UGGT2: variants seen among roughly 807,000 people sequenced by gnomAD.
UGGT2 encodes UDP-glucose:glycoprotein glucosyltransferase 2.
In UGGT2, 180 loss-of-function variants were observed where a neutral mutation model predicts 192.1. The ratio of observed to expected loss-of-function variants is 0.94; its 90% CI spans 0.83 to 1.06. UGGT2 has a LOEUF of 1.06. UGGT2 is among the 50% of genes least tolerant of loss of function. The probability of loss-of-function intolerance (pLI) is 0.00; values close to 1 mark genes in which losing one functional copy is unlikely to be tolerated. For missense variants in UGGT2, 1,849 were observed against 1,795.7 expected, an observed-to-expected ratio of 1.03 and a Z score of -0.54; for synonymous variants, 580 against 591.0, an observed-to-expected ratio of 0.98 and a Z score of 0.27.
intron 38 of UGGT2, among the ~76,000 whole-genome samples, chr13:95,813,950 G>T (rs1884694565): frequency 6.6e-6 from 1 of 152,212 alleles, no homozygotes; most frequent in Non-Finnish European, 1.5e-5. Flanking sequence ...AGCCTCAGTG[G>T]CTGGCATGTG....
intron 12 of UGGT2, among the ~76,000 whole-genome samples, chr13:95,953,188 C>T (rs1422034839): frequency 6.6e-6 from 1 of 152,118 alleles, no homozygotes; most frequent in African/African-American, 2.4e-5. Flanking sequence ...GACATTGTTA[C>T]CATCAAAGTG....
intron 37 of UGGT2, among the ~76,000 whole-genome samples, chr13:95,836,434 T>C (rs1887298369): frequency 6.6e-6 from 1 of 152,172 alleles, no homozygotes; most frequent in African/African-American, 2.4e-5. Context: ...AAGACCTGCT[T>C]GTAAGTTTGG....
At chr13:95,967,877 T>C (rs2050639667) in intron 12 of UGGT2, among the ~76,000 whole-genome samples, 1 of 152,218 alleles carries the variant, frequency 6.6e-6, no homozygotes, top group South Asian at 2.1e-4. Flanking sequence ...ATTATTAGGG[T>C]ATTTACATTT....
At chr13:95,926,351 T>C (rs367611680) in intron 19 of UGGT2, among the ~76,000 whole-genome samples, 30 of 152,142 alleles carry the variant, frequency 2.0e-4, no homozygotes, top group African/African-American at 7.2e-4. Flanking sequence ...CCTTACAACA[T>C]AGTTCATTCC....
At position 95,893,668 on chromosome 13, in the gene UGGT2, C is replaced by T. The variant is rs138170744; in HGVS notation, c.2855+894G>A. Among the ~76,000 whole-genome samples, 7 of 152,164 alleles carry T rather than the reference C, an allele frequency of 4.6e-5. No homozygotes were observed. The East Asian group carries it at 1.2e-3, about 25-fold the overall frequency. On this transcript the variant is annotated intron_variant, in intron 24 of 38. Coordinates refer to ENST00000376747, the MANE Select transcript of UGGT2 (RefSeq NM_020121.4). ...CTTGATAGGAAAGAATGCTCTTTGA[C>T]AGACAAAAAATGGTATTTCTAGAGA...
chr13:95,931,342 G>A (rs1320846271), intron 17 of UGGT2, among the ~76,000 whole-genome samples: 2 of 152,192 alleles, frequency 1.3e-5, no homozygotes, highest in Non-Finnish European at 2.9e-5. Context: ...GGTTCTCCAA[G>A]TCCCCACTAG....
chr13:95,847,345 T>C (rs1888575510), intron 36 of UGGT2, among the ~76,000 whole-genome samples: 1 of 152,180 alleles, frequency 6.6e-6, no homozygotes, highest in Non-Finnish European at 1.5e-5. Flanking sequence ...ATTAGACTTC[T>C]TTCTTGGTGT....
Position 95,972,565 on chromosome 13 carries a change from T to C in UGGT2, c.1184+15A>G, listed in dbSNP as rs774302527. The C allele has an allele frequency of 1.3e-6, 2 of 1,578,942 alleles. No homozygotes were observed. The highest frequency in any genetic ancestry group is 1.1e-5 in the South Asian group (1 of 88,512). ...ATAAACCATAGTTCATTTACAGCAATAATTTAATACTTACCTAAAAGCGTC... is the reference window on the plus strand; with the variant it reads ...ATAAACCATAGTTCATTTACAGCAACAATTTAATACTTACCTAAAAGCGTC... On this transcript the variant is annotated intron_variant, in intron 11 of 38. Coordinates refer to ENST00000376747, the MANE Select transcript of UGGT2 (RefSeq NM_020121.4).
At chr13:95,845,497 A>G (rs1270538945) in intron 36 of UGGT2, among the ~76,000 whole-genome samples, 2 of 151,422 alleles carry the variant, frequency 1.3e-5, no homozygotes, top group Non-Finnish European at 2.9e-5. Context: ...GTAAGGTTAT[A>G]GATTAACAGC....
At chr13:96,042,308 AAAG>A (rs370845876) in intron 1 of UGGT2, among the ~76,000 whole-genome samples, 9 of 152,326 alleles carry the variant, frequency 5.9e-5, no homozygotes, top group African/African-American at 1.9e-4. Flanking sequence ...ATCTGTAGGA[AAAG>A]AAGGAGAGTA....
chr13:95,819,274 T>C (rs1018252306), intron 38 of UGGT2, among the ~76,000 whole-genome samples: 1 of 152,196 alleles, frequency 6.6e-6, no homozygotes, highest in African/African-American at 2.4e-5. Context: ...TTATTACAAA[T>C]AGAGTAGTAA....
At chr13:95,855,576 G>A (rs1340546718) in intron 34 of UGGT2, among the ~76,000 whole-genome samples, 1 of 149,460 alleles carries the variant, frequency 6.7e-6, no homozygotes, top group African/African-American at 2.5e-5. Flanking sequence ...AGGCTGGAGT[G>A]CAGTGGCATG....
intron 32 of UGGT2, 182 bp from the exon 33 acceptor site, chr13:95,859,857 T>C (rs547328160): frequency 1.5e-4 from 65 of 444,868 alleles, no homozygotes; most frequent in Admixed American, 3.2e-4. Flanking sequence ...TTTTAAATAA[T>C]TGAAGGTATG....
chr13:95,987,603 T>G (rs1656390568), intron 8 of UGGT2, among the ~76,000 whole-genome samples: 1 of 152,130 alleles, frequency 6.6e-6, no homozygotes, highest in Admixed American at 6.6e-5. Context: ...CTATCTGAAA[T>G]TATGGATTTA....
At chr13:95,858,784 C>T (rs1366391064) in intron 33 of UGGT2, among the ~76,000 whole-genome samples, 2 of 152,080 alleles carry the variant, frequency 1.3e-5, no homozygotes, top group African/African-American at 4.8e-5. Context: ...AAGCTAGTTA[C>T]GTAACTTTTG....
chr13:95,829,518 C>T (rs1464326745), intron 38 of UGGT2, among the ~76,000 whole-genome samples: 1 of 152,150 alleles, frequency 6.6e-6, no homozygotes, highest in East Asian at 1.9e-4. Flanking sequence ...CATTCCTATA[C>T]ACCATTAACA....
At chr13:95,807,715 C>CTTTT in intron 38 of UGGT2, among the ~76,000 whole-genome samples, 1 of 48,036 alleles carries the variant, frequency 2.1e-5, no homozygotes, top group Non-Finnish European at 4.2e-5. Context: ...TCAGCCCTCA[C>CTTTT]CTTTTTTTTT....
intron 29 of UGGT2, among the ~76,000 whole-genome samples, chr13:95,870,628 T>C (rs1289558431): frequency 6.6e-6 from 1 of 152,216 alleles, no homozygotes; most frequent in Non-Finnish European, 1.5e-5. Flanking sequence ...TTCTCAAGCA[T>C]TCCTAGGATC....
intron 17 of UGGT2, among the ~76,000 whole-genome samples, chr13:95,928,299 G>GC (rs1172271559): frequency 6.6e-6 from 1 of 150,836 alleles, no homozygotes; most frequent in South Asian, 2.1e-4. Context: ...GGCAGGGGCT[G>GC]CCCCCCACCT....
Sources: gnomAD v4.1 joint callset for allele counts (sites outside exome capture counted in the v4.1 genomes callset) on GRCh38, gnomAD v4.1.1 for gene constraint, MANE v1.5 for transcripts, NCBI Gene and HGNC (gene_info 2026-07-23, HGNC 2026-07-21) for gene names.